The following CUL3 variants were observed in gnomAD, a reference collection of about 807,000 sequenced individuals.
CUL3 encodes cullin-3.
Under a neutral mutation model 89.1 loss-of-function variants are expected in CUL3, and 19 were observed. The observed-to-expected ratio is 0.21, with a 90% CI of 0.15 to 0.31. The LOEUF is 0.31. Ranked by LOEUF, CUL3 falls within the 10% of genes least tolerant of loss-of-function variation. The pLI is 1.00. For missense variants in CUL3, 469 were observed against 942.3 expected, an observed-to-expected ratio of 0.50 and a Z score of 6.58; for synonymous variants, 351 against 308.4, an observed-to-expected ratio of 1.14 and a Z score of -1.45.
At chr2:224,583,200 A>T (rs1695483188) in intron 1 of CUL3, among the ~76,000 whole-genome samples, 1 of 152,072 alleles carries the variant, frequency 6.6e-6, no homozygotes, top group African/African-American at 2.4e-5. Context: ...CAACATGGAG[A>T]AACCTCGTCT....
At chr2:224,557,999 A>G in intron 1 of CUL3, 143 bp from the exon 2 acceptor site, 1 of 552,368 alleles carries the variant, frequency 1.8e-6, no homozygotes, top group South Asian at 3.0e-5. Flanking sequence ...AAGAACATTA[A>G]CAACCTATTT....
intron 1 of CUL3, among the ~76,000 whole-genome samples, chr2:224,574,012 G>A (rs1328841216): frequency 1.3e-5 from 2 of 152,190 alleles, no homozygotes; most frequent in African/African-American, 4.8e-5. Context: ...GGAGAGGACA[G>A]GGCAAACAGA....
chr2:224,505,370 C>T (rs1692559424), intron 8 of CUL3, among the ~76,000 whole-genome samples: 1 of 152,164 alleles, frequency 6.6e-6, no homozygotes, highest in Non-Finnish European at 1.5e-5. Context: ...CTCCCAACCT[C>T]AGGTGGTCTG....
At chr2:224,494,993 G>A (rs1692113647) in intron 13 of CUL3, 3 of 151,954 alleles carry the variant, frequency 2.0e-5, no homozygotes, top group African/African-American at 2.4e-5. Flanking sequence ...TATATCTGAC[G>A]AAGGACTTGT....
At chr2:224,564,688 G>A (rs1694996630) in intron 1 of CUL3, among the ~76,000 whole-genome samples, 1 of 152,078 alleles carries the variant, frequency 6.6e-6, no homozygotes, top group African/African-American at 2.4e-5. Flanking sequence ...TTCTGTACTG[G>A]CATTTACATT....
chr2:224,506,691 G>A (rs1305891854), intron 7 of CUL3, among the ~76,000 whole-genome samples, 167 bp downstream of exon 7: 4 of 152,062 alleles, frequency 2.6e-5, no homozygotes, highest in African/African-American at 7.2e-5. Flanking sequence ...ATATAAATAC[G>A]CACACCTTGC....
intron 3 of CUL3, among the ~76,000 whole-genome samples, chr2:224,524,206 G>A (rs1172002722): frequency 2.0e-5 from 3 of 152,124 alleles, no homozygotes; most frequent in Admixed American, 2.0e-4. Context: ...CCCCATACCA[G>A]CCTTCACTGG....
intron 1 of CUL3, among the ~76,000 whole-genome samples, chr2:224,575,079 T>TAA (rs1398744097): frequency 6.6e-6 from 1 of 152,152 alleles, no homozygotes; most frequent in East Asian, 1.9e-4. Context: ...CGAGAATGAA[T>TAA]AAAGATGCAG....
At chr2:224,562,110 A>G (rs2106312216) in intron 1 of CUL3, among the ~76,000 whole-genome samples, 1 of 152,362 alleles carries the variant, frequency 6.6e-6, no homozygotes, top group South Asian at 2.1e-4. Context: ...CTAGAAGCTG[A>G]AGAATTTTAA....
chr2:224,576,860 T>C (rs1237025606), intron 1 of CUL3, among the ~76,000 whole-genome samples: 1 of 152,226 alleles, frequency 6.6e-6, no homozygotes, highest in Non-Finnish European at 1.5e-5. Context: ...AAGGATTACA[T>C]GTGAATCATA....
chr2:224,538,692 C>G (rs925737145), intron 2 of CUL3, among the ~76,000 whole-genome samples: 2 of 152,116 alleles, frequency 1.3e-5, no homozygotes, highest in Non-Finnish European at 2.9e-5. Flanking sequence ...CATGGAAGAA[C>G]AAGTAGCAAC....
At chr2:224,518,627 T>C (rs112642506) in intron 3 of CUL3, among the ~76,000 whole-genome samples, 37 of 152,360 alleles carry the variant, frequency 2.4e-4, no homozygotes, top group African/African-American at 8.7e-4. Context: ...TATATGATCC[T>C]GGCTCTACTG....
intron 1 of CUL3, among the ~76,000 whole-genome samples, chr2:224,579,987 G>C (rs1695396176): frequency 6.6e-6 from 1 of 152,080 alleles, no homozygotes; most frequent in Non-Finnish European, 1.5e-5. Flanking sequence ...ATAATAAAAG[G>C]TTCACCTGAA....
In CUL3 at chr2:224,473,085, A is replaced by G. The variant is rs924625568; in HGVS notation, c.*1160T>C. 4.9e-6 allele frequency: 1 copy of G among 202,822 alleles called. No homozygotes were observed. Among genetic ancestry groups the G allele is most frequent in the Non-Finnish European group, 1.0e-5 (1 of 98,472 alleles). 12.6% of individuals were successfully genotyped at this position (202,822 alleles called of 1,614,324 possible). A position where few individuals can be genotyped will look rare whatever the true frequency, so the allele number is the denominator to read the frequency against. ...AGCACATGTTTGAAAACGTGAAACG[A>G]TGACTCTTTGGAGGACAATAGCTAA... On this transcript the variant is annotated 3_prime_UTR_variant, in exon 16 of 16. Coordinates refer to ENST00000264414, the MANE Select transcript of CUL3 (RefSeq NM_003590.5).
At chr2:224,526,648 A>T (rs1267803868) in intron 3 of CUL3, among the ~76,000 whole-genome samples, 1 of 150,800 alleles carries the variant, frequency 6.6e-6, no homozygotes, top group Non-Finnish European at 1.5e-5. Context: ...ATTTCTGACC[A>T]CAGGGTCTAC....
intron 1 of CUL3, among the ~76,000 whole-genome samples, chr2:224,574,908 A>G (rs1559242138): frequency 6.6e-6 from 1 of 152,298 alleles, no homozygotes; most frequent in South Asian, 2.1e-4. Flanking sequence ...TGTACTGATC[A>G]AAGTCATAAA....
intron 3 of CUL3, among the ~76,000 whole-genome samples, chr2:224,531,843 T>C (rs555746771): frequency 2.2e-4 from 34 of 152,316 alleles, no homozygotes; most frequent in African/African-American, 8.2e-4. Flanking sequence ...TGATCAGATT[T>C]GGCTTTAAAA....
In CUL3 at chr2:224,485,664, A is replaced by C. The variant is rs1292385460; in HGVS notation, c.1843-3586T>G. On this transcript the variant is annotated intron_variant, in intron 13 of 15. Transcript: ENST00000264414. This position sits in a 1 kb window ranked among gnomAD's most constrained non-coding sequence, Gnocchi z 4.1. The stretch of plus-strand genomic sequence containing the variant: ...CCCTGGGACAGAGCACCTGGGAAGA[A>C]GGCAGCTATGGGCCCAGCTTCAGCA... Among the ~76,000 whole-genome samples the C allele has an allele frequency of 6.6e-6, 1 of 152,240 alleles. No individual in the cohort carries two copies.
intron 2 of CUL3, among the ~76,000 whole-genome samples, chr2:224,537,545 A>G (rs987814759): frequency 1.3e-5 from 2 of 152,190 alleles, no homozygotes; most frequent in Admixed American, 1.3e-4. Context: ...CATTAAATCT[A>G]GCACTTGTCA....
Sources: gnomAD v4.1 joint callset for allele counts (sites outside exome capture counted in the v4.1 genomes callset) on GRCh38, gnomAD v4.1.1 for gene constraint, Gnocchi (gnomAD v3.1) non-coding constraint, MANE v1.5 for transcripts, NCBI Gene and HGNC (gene_info 2026-07-23, HGNC 2026-07-21) for gene names.